EIF2D: variants seen among roughly 807,000 people sequenced by gnomAD.
EIF2D encodes eukaryotic translation initiation factor 2D.
A neutral mutation model predicts 77.4 loss-of-function variants in EIF2D; 56 were observed. The observed-to-expected ratio is 0.72, with a 90% CI of 0.58 to 0.90. The LOEUF is 0.90. EIF2D is among the 40% of genes least tolerant of loss of function. The pLI is 0.00. For missense variants in EIF2D, 574 were observed against 706.5 expected, an observed-to-expected ratio of 0.81 and a Z score of 2.13; for synonymous variants, 230 against 271.0, an observed-to-expected ratio of 0.85 and a Z score of 1.49.
At chr1:206,575,022 GTTT>G (rs1572356326) in intron 4 of EIF2D, among the ~76,000 whole-genome samples, 1 of 110,240 alleles carries the variant, frequency 9.1e-6, no homozygotes, top group East Asian at 2.7e-4. Flanking sequence ...TAATTTTTTT[GTTT>G]TTGTTTTTGT....
chr1:206,605,262 G>A (rs1229014553), intron 5 of EIF2D, 138 bp downstream of exon 5: 1 of 533,840 alleles, frequency 1.9e-6, no homozygotes, highest in Non-Finnish European at 3.3e-6. Context: ...CTTTATATTT[G>A]TAAGGAAATA....
downstream of EIF2D, chr1:206,587,384 C>T (rs1318823922): frequency 6.3e-6 from 2 of 315,106 alleles, no homozygotes; most frequent in Non-Finnish European, 6.1e-6. Context: ...TCTTACTTGC[C>T]ACGTACAGGA....
At chr1:206,585,291 T>C (rs563800378) in intron 2 of EIF2D, 12 of 1,612,902 alleles carry the variant, frequency 7.4e-6, no homozygotes, top group East Asian at 6.7e-5. Context: ...ACTGGAGAGG[T>C]AGAGGTAGGT....
At chr1:206,609,687 G>C (rs1670376099) in intron 2 of EIF2D, among the ~76,000 whole-genome samples, 1 of 152,208 alleles carries the variant, frequency 6.6e-6, no homozygotes. Flanking sequence ...GATTGCAGCA[G>C]CAGAAAATGG....
rs1553405739 is a variant in EIF2D, at chr1:206,579,072, C to T, written c.*254+1620G>A. On this transcript the variant is annotated intron_variant and NMD_transcript_variant, in intron 4 of 5. Coordinates refer to the EIF2D transcript ENST00000472709. The surrounding 1 kb of genome is among the most constrained non-coding windows in gnomAD (Gnocchi z 4.2). ...GAACCCCTAGCACCCAGCCTCTTTA[C>T]ATGGCTGTTCCCCAATCACCTCCAG... Among the ~76,000 whole-genome samples the T allele has an allele frequency of 1.3e-5, 2 of 152,214 alleles. No individual in the cohort carries two copies. The highest frequency in any genetic ancestry group is 6.5e-5 in the Admixed American group (1 of 15,290).
intron 2 of EIF2D, chr1:206,586,343 G>C (rs546098746): frequency 6.3e-6 from 1 of 157,918 alleles, no homozygotes; most frequent in South Asian, 1.9e-4. Flanking sequence ...TGCTCTGCCA[G>C]TCATGGGAGG....
intron 4 of EIF2D, among the ~76,000 whole-genome samples, chr1:206,578,887 GT>G (rs774267829): frequency 9.9e-5 from 15 of 152,186 alleles, no homozygotes; most frequent in Non-Finnish European, 1.9e-4. Flanking sequence ...CAGAAGTAGG[GT>G]TTTGTTGCTG....
In EIF2D at chr1:206,599,580, G is replaced by C. The variant is rs139092708; in HGVS notation, c.1085C>G (p.Pro362Arg). The stretch of plus-strand genomic sequence containing the variant: ...ACCCTCCTGGATAGTCTGGGAGGTC[G>C]GGGAGGGCTCGGGTATGACGAAAGA... ...ITSFVIPEPS[P>R]TSQTIQEGSR... The change falls in exon 10 of 15, where the codon CCG becomes CGG. Residue 362 changes from proline to arginine, a missense_variant. Physicochemically the swap from Pro to Arg is moderately radical, Grantham distance 103. Coordinates refer to ENST00000271764, the MANE Select transcript of EIF2D (RefSeq NM_006893.3). This position sits in a 1 kb window ranked among gnomAD's most constrained non-coding sequence, Gnocchi z 4.1. The C allele has an allele frequency of 1.2e-6, 2 of 1,602,480 alleles. No homozygotes were observed. The highest frequency in any genetic ancestry group is 2.7e-5 in the African/African-American group (2 of 74,412).
At chr1:206,593,504 A>C (rs1210428162) in intron 14 of EIF2D, 115 bp downstream of exon 14, 126 of 404,996 alleles carry the variant, frequency 3.1e-4, no homozygotes, top group East Asian at 1.5e-3. Flanking sequence ...AGAGAGAGAG[A>C]GAGAGTGTGT....
intron 14 of EIF2D, among the ~76,000 whole-genome samples, chr1:206,593,276 T>G (rs1036972693): frequency 6.6e-6 from 1 of 152,090 alleles, no homozygotes; most frequent in Non-Finnish European, 1.5e-5. Flanking sequence ...TTAAGAGAGA[T>G]GCCTGCAAAA....
In EIF2D at chr1:206,602,742, C is replaced by A. The variant is rs1456991626; in HGVS notation, c.784+209G>T. 7.9e-6 allele frequency: 6 copies of A among 755,612 alleles called. No homozygotes were observed. In the African/African-American group the frequency reaches 1.1e-4, roughly 13 times the overall value. 46.8% of individuals were successfully genotyped at this position (755,612 alleles called of 1,614,324 possible). A position where few individuals can be genotyped will look rare whatever the true frequency, so the allele number is the denominator to read the frequency against. ...AGCTGAAGACAGGCAAATGCCAGGG[C>A]AGATTAGCTCCCAGGAAGACGTGAC... is the stretch of plus-strand genomic sequence containing the variant. On this transcript the variant is annotated intron_variant, in intron 6 of 14. Coordinates refer to ENST00000271764, the MANE Select transcript of EIF2D (RefSeq NM_006893.3).
At chr1:206,577,545 A>T (rs1668698689) in intron 4 of EIF2D, among the ~76,000 whole-genome samples, 1 of 152,234 alleles carries the variant, frequency 6.6e-6, no homozygotes, top group African/African-American at 2.4e-5. Flanking sequence ...TGACTTTCTC[A>T]AGATCATGTA....
At chr1:206,597,078 A>C (rs782603266) in intron 12 of EIF2D, 22 bp downstream of exon 12, 2 of 1,588,290 alleles carry the variant, frequency 1.3e-6, no homozygotes, top group African/African-American at 2.7e-5. Context: ...AAAGTTGGAG[A>C]GGGACTGCCA....
At chr1:206,581,809 AG>A (rs1668892278) in intron 2 of EIF2D, among the ~76,000 whole-genome samples, 1 of 152,196 alleles carries the variant, frequency 6.6e-6, no homozygotes, top group Admixed American at 6.5e-5. Flanking sequence ...AAGTGATGGC[AG>A]GTTGTTCAGG....
intron 4 of EIF2D, 117 bp from the exon 5 acceptor site, chr1:206,605,624 G>T: frequency 2.4e-6 from 2 of 836,436 alleles, no homozygotes; most frequent in African/African-American, 1.7e-5. Flanking sequence ...CGAAGGTCTT[G>T]TATCATAAAA....
At position 206,611,451 on chromosome 1, in the gene EIF2D, C is replaced by T. The variant is rs530636886; in HGVS notation, c.57-77G>A. 4 of 1,291,332 alleles carry T rather than the reference C, an allele frequency of 3.1e-6. No homozygotes were observed. In the African/African-American group the frequency reaches 5.9e-5, roughly 19 times the overall value. The allele number at this position is 1,291,332 out of a possible 1,614,324, so 80.0% of individuals were successfully genotyped here. A position where few individuals can be genotyped will look rare whatever the true frequency, so the allele number is the denominator to read the frequency against. On this transcript the variant is annotated intron_variant, in intron 1 of 14. Coordinates refer to ENST00000271764, the MANE Select transcript of EIF2D (RefSeq NM_006893.3). Reference sequence around the variant, plus strand: ...AATATCAAGAACGAACTCAAAAGTGCTCACTATAAAATCACAAGGGCCAAA... The same window carrying T: ...AATATCAAGAACGAACTCAAAAGTGTTCACTATAAAATCACAAGGGCCAAA...
intron 4 of EIF2D, among the ~76,000 whole-genome samples, chr1:206,578,078 T>G (rs1389927584): frequency 6.9e-6 from 1 of 145,050 alleles, no homozygotes; most frequent in African/African-American, 2.5e-5. Flanking sequence ...ATAAAAAAAA[T>G]TAGCCAGGAG....
intron 4 of EIF2D, among the ~76,000 whole-genome samples, chr1:206,575,521 G>C (rs997229701): frequency 9.9e-5 from 15 of 152,156 alleles, no homozygotes; most frequent in East Asian, 1.9e-4. Flanking sequence ...AAAAAGTAAA[G>C]TCGTGGCGGT....
intron 4 of EIF2D, among the ~76,000 whole-genome samples, chr1:206,607,044 T>C (rs573415433): frequency 3.3e-5 from 5 of 152,292 alleles, no homozygotes; most frequent in South Asian, 2.1e-4. Flanking sequence ...ACGTTTGTAA[T>C]AGAGACAAAT....
Sources: allele counts gnomAD v4.1 joint callset (sites outside exome capture counted in the v4.1 genomes callset), GRCh38; gene constraint gnomAD v4.1.1; non-coding constraint Gnocchi (gnomAD v3.1); transcripts MANE v1.5; gene names NCBI Gene and HGNC (gene_info 2026-07-23, HGNC 2026-07-21).